The following ATRNL1 variants were observed in gnomAD, a reference collection of about 807,000 sequenced individuals.
The protein encoded by ATRNL1 is attractin like 1.
ATRNL1 carries 95 observed loss-of-function variants against 182.7 expected under a neutral mutation model. That is an observed-to-expected ratio of 0.52 (90% CI 0.44 to 0.62). The LOEUF is 0.62. Ranked by LOEUF, ATRNL1 falls within the 20% of genes least tolerant of loss-of-function variation. The probability of loss-of-function intolerance (pLI) is 0.00; values close to 1 mark genes in which losing one functional copy is unlikely to be tolerated. For synonymous variants in ATRNL1, 576 were observed against 568.3 expected (o/e 1.01, Z -0.19); for missense variants, 1,471 against 1,679.5 (o/e 0.88, Z 2.17).
intron 26 of ATRNL1, among the ~76,000 whole-genome samples, chr10:115,630,827 TAC>T (rs199640218): frequency 0.14 from 18,684 of 129,492 alleles, 1,521 homozygotes; most frequent in Non-Finnish European, 0.18. Flanking sequence ...ATATGTATTA[TAC>T]ACACACACAC....
At chr10:115,810,529 C>A (rs551306814) in intron 27 of ATRNL1, among the ~76,000 whole-genome samples, 9 of 151,846 alleles carry the variant, frequency 5.9e-5, no homozygotes, top group Non-Finnish European at 8.8e-5. Context: ...TTGACAGTGT[C>A]TGTAAGATAA....
At chr10:115,154,156 C>T (rs989355397) in intron 5 of ATRNL1, among the ~76,000 whole-genome samples, 10 of 151,358 alleles carry the variant, frequency 6.6e-5, no homozygotes, top group Non-Finnish European at 1.0e-4. Context: ...GGAATAAGTG[C>T]GATGTGGTGC....
chr10:115,314,269 G>A (rs1417897617), intron 17 of ATRNL1, among the ~76,000 whole-genome samples: 1 of 152,070 alleles, frequency 6.6e-6, no homozygotes, highest in Admixed American at 6.6e-5. Flanking sequence ...ACCTCTCAAA[G>A]GATTGACAAC....
intron 17 of ATRNL1, among the ~76,000 whole-genome samples, chr10:115,305,806 A>T: frequency 6.6e-6 from 1 of 152,188 alleles, no homozygotes; most frequent in Non-Finnish European, 1.5e-5. Context: ...TATTCTCAAA[A>T]ATGTCAGCTA....
chr10:115,880,474 A>T (rs533499984), intron 28 of ATRNL1, among the ~76,000 whole-genome samples: 6 of 152,292 alleles, frequency 3.9e-5, no homozygotes, highest in African/African-American at 1.4e-4. Context: ...TAAAAATTTT[A>T]AAAATTAGCC....
intron 26 of ATRNL1, among the ~76,000 whole-genome samples, chr10:115,718,186 A>G (rs2532719): frequency 0.94 from 142,977 of 152,188 alleles, 67,863 homozygotes; most frequent in East Asian, 1. Flanking sequence ...AGCTTTTGGG[A>G]ATGTGTGCCT....
chr10:115,659,680 A>T (rs994482345), intron 26 of ATRNL1, among the ~76,000 whole-genome samples: 3 of 152,142 alleles, frequency 2.0e-5, no homozygotes, highest in East Asian at 1.9e-4. Flanking sequence ...GGAACTTCAT[A>T]AAAAAGGTTC....
chr10:115,609,146 C>T (rs3932552), intron 26 of ATRNL1, among the ~76,000 whole-genome samples: 71,305 of 151,822 alleles, frequency 0.47, 17,365 homozygotes, highest in Middle Eastern at 0.55. Context: ...GGTGAAAATT[C>T]CAAATTATTT....
At chr10:115,342,724 C>G (rs1051277492) in intron 19 of ATRNL1, among the ~76,000 whole-genome samples, 2 of 151,768 alleles carry the variant, frequency 1.3e-5, no homozygotes, top group Admixed American at 1.3e-4. Context: ...TGATTAATGT[C>G]ATTTTTTTTT....
chr10:115,403,051 C>T (rs548930333), intron 20 of ATRNL1, among the ~76,000 whole-genome samples: 1 of 151,938 alleles, frequency 6.6e-6, no homozygotes. Flanking sequence ...GATTATTACC[C>T]ATTTTTCTCT....
chr10:115,940,557 G>A (rs547987469), intron 28 of ATRNL1, among the ~76,000 whole-genome samples: 1 of 152,102 alleles, frequency 6.6e-6, no homozygotes, highest in Non-Finnish European at 1.5e-5. Flanking sequence ...TTAGGGGACG[G>A]GGGAGGTAAT....
intron 5 of ATRNL1, among the ~76,000 whole-genome samples, chr10:115,158,446 A>T (rs1160213600): frequency 6.6e-6 from 1 of 152,060 alleles, no homozygotes; most frequent in African/African-American, 2.4e-5. Context: ...ATTAAATTAA[A>T]AAAGAGGTTC....
In ATRNL1 at chr10:115,359,780, C is replaced by T. The variant is rs1377494703; in HGVS notation, c.3175+25361C>T. Among the ~76,000 whole-genome samples the T allele has an allele frequency of 2.6e-5, 4 of 151,460 alleles. No individual in the cohort carries two copies. In the East Asian group the frequency reaches 7.7e-4, roughly 29 times the overall value. On this transcript the variant is annotated intron_variant, in intron 19 of 28. Transcript: ENST00000355044. ...AATAGAATCTTGATATCTGACTTTT[C>T]AGAGCTTAACTATCTTACATTTTGA...
intron 27 of ATRNL1, among the ~76,000 whole-genome samples, chr10:115,764,730 T>A (rs1948815443): frequency 6.6e-6 from 1 of 152,134 alleles, no homozygotes; most frequent in South Asian, 2.1e-4. Context: ...TGGAGTGCAA[T>A]GGTGCAATCT....
intron 28 of ATRNL1, among the ~76,000 whole-genome samples, chr10:115,941,777 C>T (rs782443978): frequency 1.3e-5 from 2 of 152,180 alleles, no homozygotes; most frequent in African/African-American, 2.4e-5. Flanking sequence ...GTTAGCACCA[C>T]CAAAATCTGC....
chr10:115,211,736 A>G (rs927876881), intron 8 of ATRNL1, among the ~76,000 whole-genome samples: 2 of 151,212 alleles, frequency 1.3e-5, no homozygotes, highest in East Asian at 3.9e-4. Flanking sequence ...AACATTAGTT[A>G]TATCTCCTAA....
chr10:115,162,217 T>A (rs1210185232), intron 6 of ATRNL1, among the ~76,000 whole-genome samples: 1 of 150,972 alleles, frequency 6.6e-6, no homozygotes, highest in East Asian at 1.9e-4. Context: ...ACAGATGGGA[T>A]GGATGGATGG....
intron 27 of ATRNL1, among the ~76,000 whole-genome samples, chr10:115,746,317 T>A (rs1283687987): frequency 3.9e-5 from 6 of 152,128 alleles, no homozygotes; most frequent in African/African-American, 1.4e-4. Flanking sequence ...CTTTTAGTAT[T>A]AATCCCTAAG....
At chr10:115,687,653 A>G (rs1946261411) in intron 26 of ATRNL1, among the ~76,000 whole-genome samples, 1 of 152,092 alleles carries the variant, frequency 6.6e-6, no homozygotes, top group Admixed American at 6.6e-5. Context: ...ATCAAATGAT[A>G]GTTCTATTTT....
Sources: allele counts gnomAD v4.1 joint callset (sites outside exome capture counted in the v4.1 genomes callset), GRCh38; gene constraint gnomAD v4.1.1; transcripts MANE v1.5; gene names NCBI Gene and HGNC (gene_info 2026-07-23, HGNC 2026-07-21).